Variants in SMAD9 observed in about 807,000 individuals in gnomAD.
The protein encoded by SMAD9 is SMAD family member 9.
In SMAD9, 36 loss-of-function variants were observed where a neutral mutation model predicts 46.1. The observed-to-expected ratio is 0.78, with a 90% CI of 0.60 to 1.03. The LOEUF (loss-of-function observed/expected upper bound fraction) is 1.03, where lower values mean the gene tolerates loss of function less well. Among genes scored for constraint, SMAD9 ranks in the 50% least tolerant of loss-of-function variants. SMAD9 has a pLI of 0.00. For synonymous variants in SMAD9, 245 were observed against 237.1 expected (o/e 1.03, Z -0.31); for missense variants, 572 against 599.8 (o/e 0.95, Z 0.48).
At chr13:36,879,919 A>G in intron 1 of SMAD9, 44 bp from the exon 2 acceptor site, 1 of 564,710 alleles carries the variant, frequency 1.8e-6, no homozygotes, top group Non-Finnish European at 3.2e-6. Context: ...TCGGAGTAAC[A>G]TTCAGAAAAA....
chr13:36,858,402 T>C (rs2058146984), intron 5 of SMAD9, among the ~76,000 whole-genome samples: 1 of 152,182 alleles, frequency 6.6e-6, no homozygotes, highest in Non-Finnish European at 1.5e-5. Context: ...ATGGCAGTAA[T>C]TTCTCTTGAG....
chr13:36,909,406 G>C (rs1258207033), intron 1 of SMAD9, among the ~76,000 whole-genome samples: 1 of 152,186 alleles, frequency 6.6e-6, no homozygotes, highest in Non-Finnish European at 1.5e-5. Flanking sequence ...AGTGATACAA[G>C]AGAAGGCCAG....
rs1048013565 is a variant in SMAD9, at chr13:36,876,344, A to T, written c.412+2934T>A. Among the ~76,000 whole-genome samples, 7 of 152,220 alleles carry T rather than the reference A, an allele frequency of 4.6e-5. 1 individual carries two copies. Among genetic ancestry groups the T allele is most frequent in the African/African-American group, 1.7e-4 (7 of 41,458 alleles). ...CCTGAAATAACCTCCAGCCAAATGG[A>T]GTAAAATCATCATGTACCACAACAA... On this transcript the variant is annotated intron_variant, in intron 2 of 6. Transcript: ENST00000379826.
In SMAD9 at chr13:36,853,467, G is replaced by T; in HGVS notation, c.1212C>A (p.Val404=). The T allele has an allele frequency of 6.2e-7, 1 of 1,614,006 alleles. No homozygotes were observed. The highest frequency in any genetic ancestry group is 8.5e-7 in the Non-Finnish European group (1 of 1,179,996). ...LAQSVHHGFE[V]VYELTKMCTI... The stretch of plus-strand genomic sequence containing the variant: ...TACACATCTTGGTCAGTTCATACAC[G>T]ACTTCAAAGCCGTGGTGAACTGACT... Residue 404 remains valine (V), a synonymous_variant, in exon 6 of 7, where the codon GTC becomes GTA. Coordinates refer to ENST00000379826, the MANE Select transcript of SMAD9 (RefSeq NM_001127217.3).
At chr13:36,854,531 C>T (rs2058104485) in intron 5 of SMAD9, among the ~76,000 whole-genome samples, 1 of 152,106 alleles carries the variant, frequency 6.6e-6, no homozygotes, top group Admixed American at 6.6e-5. Context: ...ACACAGCTGG[C>T]TAATTTTTGT....
intron 1 of SMAD9, among the ~76,000 whole-genome samples, chr13:36,907,406 T>C (rs1199639099): frequency 1.3e-5 from 2 of 152,218 alleles, no homozygotes; most frequent in Non-Finnish European, 2.9e-5. Flanking sequence ...CGGTGGTTCA[T>C]GACTGTGATC....
chr13:36,891,869 C>A (rs866033492), intron 1 of SMAD9, among the ~76,000 whole-genome samples: 6 of 152,218 alleles, frequency 3.9e-5, no homozygotes, highest in Admixed American at 6.5e-5. Flanking sequence ...TCCCACCACA[C>A]AAACAAGCAC....
chr13:36,848,815 C>T lies in SMAD9; in HGVS notation c.1265G>A (p.Trp422Ter). 1 of 1,613,854 alleles carries T rather than the reference C, an allele frequency of 6.2e-7. No individual in the cohort carries two copies. The highest frequency in any genetic ancestry group is 8.5e-7 in the Non-Finnish European group (1 of 1,180,000). Residue 422 changes from tryptophan to a stop codon, truncating the protein, a stop_gained, in exon 7 of 7, where the codon TGG (tryptophan) becomes TAG (stop). Transcript: ENST00000379826. LOFTEE classifies it high-confidence loss of function. ...ATCCTGGCGATGATACTCAGCACCC[C>T]AACCCTGAAAAACAAGAAAGGAGCT... Reference protein sequence around the residue: ...CTIRMSFVKGWGAEYHRQDVT... With the variant: ...CTIRMSFVKG
intron 2 of SMAD9, among the ~76,000 whole-genome samples, chr13:36,878,774 CATT>C (rs1253559010): frequency 1.3e-5 from 2 of 152,178 alleles, no homozygotes; most frequent in African/African-American, 4.8e-5. Flanking sequence ...TACAGCTCAT[CATT>C]ATCAAGGCCA....
chr13:36,879,098 C>T (rs2058374742), intron 2 of SMAD9, among the ~76,000 whole-genome samples, 180 bp downstream of exon 2: 1 of 152,120 alleles, frequency 6.6e-6, no homozygotes, highest in Admixed American at 6.5e-5. Flanking sequence ...GATTGGACAG[C>T]TGCCTCATTC....
chr13:36,890,919 A>G (rs1157981953), intron 1 of SMAD9, among the ~76,000 whole-genome samples: 1 of 152,086 alleles, frequency 6.6e-6, no homozygotes, highest in East Asian at 1.9e-4. Flanking sequence ...CAGACACACC[A>G]CACAGACTAC....
chr13:36,883,340 AAAG>A (rs147701902), intron 1 of SMAD9, among the ~76,000 whole-genome samples: 3,028 of 152,348 alleles, frequency 0.02, 96 homozygotes, highest in African/African-American at 0.068. Flanking sequence ...CAAAAAGTGC[AAAG>A]AAGAATGAAA....
At position 36,851,583 on chromosome 13, in the gene SMAD9, G is replaced by A. The variant is rs57098017; in HGVS notation, c.1260+1836C>T. 1,386 of 194,732 alleles carry A rather than the reference G, an allele frequency of 7.1e-3. 25 individuals are homozygous for A. The highest frequency in any genetic ancestry group is 0.03 in the African/African-American group (1,289 of 42,330). 12.1% of individuals were successfully genotyped at this position (194,732 alleles called of 1,614,324 possible). A position where few individuals can be genotyped will look rare whatever the true frequency, so the allele number is the denominator to read the frequency against. ...GTGAGTAAACATTGGCATGTCCCACGTGCCTGGCCTGCACATGGCAGGTGC... is the reference window on the plus strand; with the variant it reads ...GTGAGTAAACATTGGCATGTCCCACATGCCTGGCCTGCACATGGCAGGTGC... On this transcript the variant is annotated intron_variant, in intron 6 of 6. Transcript: ENST00000379826.
intron 2 of SMAD9, among the ~76,000 whole-genome samples, chr13:36,876,090 G>A (rs914019584): frequency 3.9e-5 from 6 of 152,104 alleles, no homozygotes; most frequent in African/African-American, 1.4e-4. Context: ...CTCAACTGCT[G>A]CTTGTAAATA....
chr13:36,869,829 C>CA (rs34654500), intron 3 of SMAD9, among the ~76,000 whole-genome samples: 34,429 of 143,126 alleles, frequency 0.24, 4,618 homozygotes, highest in East Asian at 0.6. Context: ...AACTCCATCT[C>CA]AAAAAAAAAA....
rs149001715 is a variant in SMAD9 at position 36,910,650 on chromosome 13, A to C, written c.-187+9466T>G. ...ATCACTCCTTCCCTCCCTGCCCAGA[A>C]GGCCCCTGTGCAGCTCTATCTTTCC... On this transcript the variant is annotated intron_variant, in intron 1 of 6. Coordinates refer to ENST00000379826, the MANE Select transcript of SMAD9 (RefSeq NM_001127217.3). 2.9e-3 allele frequency among the ~76,000 whole-genome samples: 442 copies of C among 152,246 alleles called. 1 individual carries two copies. Among genetic ancestry groups the C allele is most frequent in the Non-Finnish European group, 5.5e-3 (371 of 68,012 alleles).
In SMAD9 at chr13:36,879,725, C is replaced by A; in HGVS notation, c.-36G>T. On this transcript the variant is annotated 5_prime_UTR_variant, in exon 2 of 7. Transcript: ENST00000379826. ...AGCAGGCTCCGGCGCGCACGGGAACCGCACAGCCCTTCACGGCAAAGTGGG... is the reference window on the plus strand; with the variant it reads ...AGCAGGCTCCGGCGCGCACGGGAACAGCACAGCCCTTCACGGCAAAGTGGG... The A allele has an allele frequency of 5.6e-6, 9 of 1,611,452 alleles. No homozygotes were observed. The highest frequency in any genetic ancestry group is 7.6e-6 in the Non-Finnish European group (9 of 1,179,774).
chr13:36,883,701 T>C (rs2058422561), intron 1 of SMAD9, among the ~76,000 whole-genome samples: 2 of 152,290 alleles, frequency 1.3e-5, no homozygotes, highest in East Asian at 1.9e-4. Context: ...CAGTGAGTCA[T>C]GATTGTGCCA....
chr13:36,913,584 G>A (rs1173406952), intron 1 of SMAD9, among the ~76,000 whole-genome samples: 32 of 152,082 alleles, frequency 2.1e-4, no homozygotes, highest in Admixed American at 2.0e-3. Context: ...ACAACAGAAA[G>A]CAAGTAAAAC....
Sources: allele counts gnomAD v4.1 joint callset (sites outside exome capture counted in the v4.1 genomes callset), GRCh38; gene constraint gnomAD v4.1.1; transcripts MANE v1.5; gene names NCBI Gene and HGNC (gene_info 2026-07-23, HGNC 2026-07-21).